Variants in MGLL observed in about 807,000 individuals in gnomAD.
MGLL encodes the protein monoglyceride lipase.
MGLL carries 7 observed loss-of-function variants against 29.1 expected under a neutral mutation model. The ratio of observed to expected loss-of-function variants is 0.24; its 90% CI spans 0.14 to 0.45. MGLL has a LOEUF of 0.45. Among genes scored for constraint, MGLL ranks in the 20% least tolerant of loss-of-function variants. The pLI is 0.99. For missense variants in MGLL, 356 were observed against 413.6 expected, an observed-to-expected ratio of 0.86 and a Z score of 1.21; for synonymous variants, 148 against 168.3, an observed-to-expected ratio of 0.88 and a Z score of 0.93.
Position 127,764,628 on chromosome 3 carries a change from G to C in MGLL, c.262+17161C>G, listed in dbSNP as rs556877633. Among the ~76,000 whole-genome samples, 12 of 152,236 alleles carry C rather than the reference G, an allele frequency of 7.9e-5. No homozygotes were observed. The East Asian group carries it at 2.3e-3, about 29-fold the overall frequency. On this transcript the variant is annotated intron_variant, in intron 3 of 7. Transcript: ENST00000265052. ...TGAAAAGCTTTGCATCGATAATCAG[G>C]CATATGATAAATATTAATTAATGTT...
At position 127,786,986 on chromosome 3, in the gene MGLL, G is replaced by T. The variant is rs919975463; in HGVS notation, c.156-5091C>A. ...TGTGGGCCTCAGTTTCTCCACCTGAGACACAGGAACACTGCAGCCTCCTCC... is the reference window on the plus strand; with the variant it reads ...TGTGGGCCTCAGTTTCTCCACCTGATACACAGGAACACTGCAGCCTCCTCC... On this transcript the variant is annotated intron_variant, in intron 2 of 7. Transcript: ENST00000265052. Among the ~76,000 whole-genome samples, 3 of 152,312 alleles carry T rather than the reference G, an allele frequency of 2.0e-5. No homozygotes were observed. In the South Asian group the frequency reaches 6.2e-4, roughly 32 times the overall value.
At chr3:127,782,341 T>G (rs1483694777) in intron 2 of MGLL, among the ~76,000 whole-genome samples, 1 of 152,038 alleles carries the variant, frequency 6.6e-6, no homozygotes, top group East Asian at 1.9e-4. Flanking sequence ...CATTGTCAAA[T>G]AAGAGGAGTT....
At chr3:127,777,013 A>C (rs1203532763) in intron 3 of MGLL, among the ~76,000 whole-genome samples, 1 of 152,158 alleles carries the variant, frequency 6.6e-6, no homozygotes, top group African/African-American at 2.4e-5. Context: ...TACATGCTAT[A>C]AAAAGCTATG....
intron 2 of MGLL, among the ~76,000 whole-genome samples, chr3:127,793,376 T>C (rs958262914): frequency 2.0e-5 from 3 of 152,212 alleles, no homozygotes; most frequent in Non-Finnish European, 4.4e-5. Context: ...TGTGTGTGAA[T>C]ATAACTTATT....
At chr3:127,782,979 A>G (rs2077153808) in intron 2 of MGLL, among the ~76,000 whole-genome samples, 1 of 151,984 alleles carries the variant, frequency 6.6e-6, no homozygotes, top group Non-Finnish European at 1.5e-5. Flanking sequence ...ACTTGAGACC[A>G]GCTTGGCCAA....
intron 3 of MGLL, among the ~76,000 whole-genome samples, chr3:127,742,505 G>A (rs1348202512): frequency 3.4e-5 from 5 of 145,956 alleles, no homozygotes; most frequent in African/African-American, 1.0e-4. Context: ...CAGGAGACTC[G>A]CTTGAGCCCA....
At chr3:127,708,749 C>A (rs1437553) in intron 6 of MGLL, among the ~76,000 whole-genome samples, 60,334 of 151,984 alleles carry the variant, frequency 0.4, 12,112 homozygotes, top group Middle Eastern at 0.55. Flanking sequence ...AGACACCACA[C>A]CTTCAAGCTA....
intron 3 of MGLL, among the ~76,000 whole-genome samples, chr3:127,744,965 T>G (rs866361940): frequency 6.6e-6 from 1 of 152,166 alleles, no homozygotes; most frequent in Admixed American, 6.5e-5. Flanking sequence ...ACAGAGACCA[T>G]GTTTTGGCTA....
intron 7 of MGLL, among the ~76,000 whole-genome samples, chr3:127,692,836 G>A (rs1367286508): frequency 6.6e-6 from 1 of 152,142 alleles, no homozygotes; most frequent in East Asian, 1.9e-4. Flanking sequence ...TGGTTCCATG[G>A]CTTTAACTTT....
intron 2 of MGLL, among the ~76,000 whole-genome samples, chr3:127,809,554 A>C (rs2107748729): frequency 6.6e-6 from 1 of 152,142 alleles, no homozygotes; most frequent in East Asian, 1.9e-4. Flanking sequence ...TGAGCCCAGG[A>C]GTTGGAGACT....
At chr3:127,716,213 A>T (rs1460795225) in intron 5 of MGLL, among the ~76,000 whole-genome samples, 2 of 152,264 alleles carry the variant, frequency 1.3e-5, no homozygotes, top group Non-Finnish European at 2.9e-5. Context: ...TGGAGACGCG[A>T]AGCAGGCACA....
At chr3:127,799,220 C>T (rs967270032) in intron 2 of MGLL, among the ~76,000 whole-genome samples, 1 of 152,222 alleles carries the variant, frequency 6.6e-6, no homozygotes, top group Non-Finnish European at 1.5e-5. Context: ...CTCAGCAGGT[C>T]CTCCTCCTGG....
intron 2 of MGLL, among the ~76,000 whole-genome samples, chr3:127,800,431 T>C (rs1049896657): frequency 6.6e-6 from 1 of 152,204 alleles, no homozygotes; most frequent in Admixed American, 6.5e-5. Context: ...GACTTCCTAC[T>C]TCTGTGAGTT....
intron 3 of MGLL, among the ~76,000 whole-genome samples, chr3:127,743,610 A>G (rs1391777276): frequency 4.8e-5 from 7 of 144,420 alleles, no homozygotes; most frequent in African/African-American, 1.5e-4. Flanking sequence ...GTCCAAGCAG[A>G]GAGTACTGGA....
At chr3:127,754,711 G>T (rs1013940426) in intron 3 of MGLL, among the ~76,000 whole-genome samples, 1 of 152,088 alleles carries the variant, frequency 6.6e-6, no homozygotes, top group African/African-American at 2.4e-5. Flanking sequence ...CTTGTCGGAG[G>T]GCAAGAAAGC....
intron 3 of MGLL, among the ~76,000 whole-genome samples, chr3:127,767,823 T>C (rs1180490817): frequency 2.0e-5 from 3 of 152,256 alleles, no homozygotes; most frequent in African/African-American, 7.2e-5. Context: ...AACTGGAATG[T>C]GGTGAGGCCA....
chr3:127,709,883 T>C (rs964369537), intron 6 of MGLL, among the ~76,000 whole-genome samples: 4 of 152,222 alleles, frequency 2.6e-5, no homozygotes, highest in Admixed American at 6.5e-5. Context: ...TCCCACGTTA[T>C]GGGGCTCAGT....
rs1241014476 is a variant in MGLL, at chr3:127,722,286, G to T, written c.399+144C>A. On this transcript the variant is annotated intron_variant, in intron 4 of 7. Coordinates refer to ENST00000265052, the MANE Select transcript of MGLL (RefSeq NM_007283.7). The stretch of plus-strand genomic sequence containing the variant: ...GTTTCCTAAGCACGGAATTGCCCAG[G>T]AACTCCAAGTGCAGTGCACAAAGGG... The T allele has an allele frequency of 2.5e-4, 300 of 1,188,272 alleles. 2 individuals are homozygous for T. The highest frequency in any genetic ancestry group is 2.0e-5 in the Non-Finnish European group (16 of 818,848). The allele number at this position is 1,188,272 out of a possible 1,614,324, so 73.6% of individuals were successfully genotyped here.
chr3:127,783,393 T>A (rs900498671), intron 2 of MGLL, among the ~76,000 whole-genome samples: 2 of 152,064 alleles, frequency 1.3e-5, no homozygotes, highest in African/African-American at 4.8e-5. Flanking sequence ...CTGCTGACCG[T>A]CACTCTGGTT....
Sources: gnomAD v4.1 joint callset for allele counts (sites outside exome capture counted in the v4.1 genomes callset) on GRCh38, gnomAD v4.1.1 for gene constraint, MANE v1.5 for transcripts, NCBI Gene and HGNC (gene_info 2026-07-23, HGNC 2026-07-21) for gene names.